The following RBM33 variants were observed in gnomAD, a reference collection of about 807,000 sequenced individuals.
The protein encoded by RBM33 is RNA binding motif protein 33.
RBM33 carries 28 observed loss-of-function variants against 132.6 expected under a neutral mutation model. The ratio of observed to expected loss-of-function variants is 0.21; its 90% CI spans 0.16 to 0.29. The LOEUF is 0.29. Ranked by LOEUF, RBM33 falls within the 10% of genes least tolerant of loss-of-function variation. The probability of loss-of-function intolerance (pLI) is 1.00; values close to 1 mark genes in which losing one functional copy is unlikely to be tolerated. For missense variants in RBM33, 1,291 were observed against 1,518.5 expected, an observed-to-expected ratio of 0.85 and a Z score of 2.49; for synonymous variants, 634 against 593.0, an observed-to-expected ratio of 1.07 and a Z score of -1.01.
At chr7:155,699,725 T>C (rs1270130072) in intron 5 of RBM33, among the ~76,000 whole-genome samples, 1 of 152,176 alleles carries the variant, frequency 6.6e-6, no homozygotes, top group Non-Finnish European at 1.5e-5. Flanking sequence ...GAGTGTGCAT[T>C]TGTAGTTGGT....
intron 1 of RBM33, among the ~76,000 whole-genome samples, chr7:155,655,806 A>C (rs547858414): frequency 8.5e-5 from 13 of 152,122 alleles, no homozygotes; most frequent in Non-Finnish European, 1.5e-4. Flanking sequence ...CTGTGTTCTC[A>C]GCTACTTGGA....
At chr7:155,727,360 G>C (rs1248338454) in intron 9 of RBM33, among the ~76,000 whole-genome samples, 1 of 152,130 alleles carries the variant, frequency 6.6e-6, no homozygotes, top group Admixed American at 6.5e-5. Context: ...TTTTTAGCTG[G>C]GCGGTGTTGT....
At chr7:155,733,289 A>G (rs1358585089) in intron 9 of RBM33, among the ~76,000 whole-genome samples, 1 of 152,090 alleles carries the variant, frequency 6.6e-6, no homozygotes, top group African/African-American at 2.4e-5. Context: ...AAATTTAGTA[A>G]TTTTGATAAG....
chr7:155,738,423 CCTCCAGGG>C lies in RBM33; in HGVS notation c.1737+21_1737+28del. The C allele has an allele frequency of 6.3e-7, 1 of 1,582,186 alleles. No individual in the cohort carries two copies. The highest frequency in any genetic ancestry group is 8.6e-7 in the Non-Finnish European group (1 of 1,161,310). On this transcript the variant is annotated intron_variant, in intron 11 of 17. Transcript: ENST00000401878. The stretch of plus-strand genomic sequence containing the variant: ...CTGCAGGTAATGCATCCTGAGTGAA[CCTCCAGGG>C]AAAAAATGTGTAGCTTCAAGGCTTT...
At chr7:155,712,426 T>A (rs1276869506) in intron 8 of RBM33, among the ~76,000 whole-genome samples, 1 of 152,264 alleles carries the variant, frequency 6.6e-6, no homozygotes, top group African/African-American at 2.4e-5. Flanking sequence ...CAAAGCTTTC[T>A]TCAACCATGA....
At chr7:155,660,430 A>G (rs140846143) in intron 1 of RBM33, among the ~76,000 whole-genome samples, 2 of 152,306 alleles carry the variant, frequency 1.3e-5, no homozygotes, top group East Asian at 1.9e-4. Flanking sequence ...TTCAGCATAT[A>G]TTTTTTGGGG....
chr7:155,738,494 T>C, intron 11 of RBM33, 91 bp downstream of exon 11: 1 of 1,234,628 alleles, frequency 8.1e-7, no homozygotes, highest in East Asian at 2.5e-5. Context: ...TTGAGCCTAC[T>C]AATTTGTGGT....
At chr7:155,706,781 C>T (rs1158254589) in intron 6 of RBM33, 79 bp from the exon 7 acceptor site, 13 of 1,179,450 alleles carry the variant, frequency 1.1e-5, no homozygotes, top group Non-Finnish European at 1.6e-5. Context: ...ATTGTCACAT[C>T]ATTCTTTCCT....
chr7:155,743,961 A>G (rs1415924938), intron 13 of RBM33, among the ~76,000 whole-genome samples: 4 of 152,132 alleles, frequency 2.6e-5, no homozygotes, highest in Admixed American at 2.6e-4. Context: ...TCATTTTTGC[A>G]GTTTGAAATC....
chr7:155,742,039 C>G lies in RBM33; in HGVS notation c.2270C>G (p.Thr757Arg). 6.2e-7 allele frequency: 1 copy of G among 1,613,954 alleles called. No individual in the cohort carries two copies. Among genetic ancestry groups the G allele is most frequent in the Non-Finnish European group, 8.5e-7 (1 of 1,179,892 alleles). Residue 757 changes from threonine to arginine, a missense_variant, in exon 13 of 18, where the codon ACG (threonine) becomes AGG (arginine). Physicochemically the swap from Thr to Arg is moderately conservative, Grantham distance 71 (BLOSUM62 -1). Coordinates refer to ENST00000401878, the MANE Select transcript of RBM33 (RefSeq NM_053043.3). ...VAGSRSSQGK[T>R]EVKVKPASPV... is the part of the protein sequence containing the mutation. ...GGTTCCAGAAGCTCACAGGGAAAGACGGAAGTGAAAGTCAAGCCAGCTAGC... is the reference window on the plus strand; with the variant it reads ...GGTTCCAGAAGCTCACAGGGAAAGAGGGAAGTGAAAGTCAAGCCAGCTAGC...
intron 9 of RBM33, among the ~76,000 whole-genome samples, chr7:155,732,227 C>T (rs1157254708): frequency 6.6e-6 from 1 of 152,190 alleles, no homozygotes; most frequent in Non-Finnish European, 1.5e-5. Context: ...ATACATTAAG[C>T]TTTGCTTTAC....
At chr7:155,767,675 G>A (rs1456199527) in intron 16 of RBM33, among the ~76,000 whole-genome samples, 4 of 152,168 alleles carry the variant, frequency 2.6e-5, no homozygotes, top group Admixed American at 2.0e-4. Context: ...GGGGAGATAG[G>A]TTTCATTTTT....
Position 155,673,582 on chromosome 7 carries a change from GTATA to G in RBM33, c.171+676_171+679del, listed in dbSNP as rs766279371. Among the ~76,000 whole-genome samples, 38 of 70,600 alleles carry G rather than the reference GTATA, an allele frequency of 5.4e-4. 2 individuals are homozygous for G. The highest frequency in any genetic ancestry group is 2.8e-3 in the African/African-American group (31 of 11,256). The allele number at this position is 70,600 out of a possible 152,430, so 46.3% of individuals were successfully genotyped here. A position where few individuals can be genotyped will look rare whatever the true frequency, so the allele number is the denominator to read the frequency against. On this transcript the variant is annotated intron_variant, in intron 3 of 17. Transcript: ENST00000401878. ...TATACACACATATACATACACACGT[GTATA>G]TATATATACACACATATACATACAC... is the stretch of plus-strand genomic sequence containing the variant.
Position 155,774,057 on chromosome 7 carries a change from G to T in RBM33, c.3376-502G>T, listed in dbSNP as rs985829719. 2.0e-5 allele frequency among the ~76,000 whole-genome samples: 3 copies of T among 152,228 alleles called. No individual in the cohort carries two copies. Among genetic ancestry groups the T allele is most frequent in the African/African-American group, 7.2e-5 (3 of 41,456 alleles). On this transcript the variant is annotated intron_variant, in intron 16 of 17. Coordinates refer to ENST00000401878, the MANE Select transcript of RBM33 (RefSeq NM_053043.3). This position sits in a 1 kb window ranked among gnomAD's most constrained non-coding sequence, Gnocchi z 4.2. ...GCTGATGTCTGCCCCAGGCACCACT[G>T]CCCTCACCATGGCCCAGCCAGATGC...
chr7:155,673,944 T>G (rs1385216041), intron 3 of RBM33, among the ~76,000 whole-genome samples: 6,379 of 86,302 alleles, frequency 0.074, 1,671 homozygotes, highest in Non-Finnish European at 0.098. Context: ...GGCTTAGTTT[T>G]TTTTTTTTTT....
chr7:155,689,165 A>G (rs2116937142), intron 5 of RBM33, among the ~76,000 whole-genome samples: 1 of 152,318 alleles, frequency 6.6e-6, no homozygotes, highest in African/African-American at 2.4e-5. Context: ...TTATTGGTCT[A>G]TTCAGGGATT....
chr7:155,672,955 TTTAA>T, intron 3 of RBM33, 40 bp downstream of exon 3: 1 of 1,371,234 alleles, frequency 7.3e-7, no homozygotes, highest in Non-Finnish European at 1.0e-6. Flanking sequence ...ATACTAGTCA[TTTAA>T]TTATACTTAA....
intron 3 of RBM33, among the ~76,000 whole-genome samples, chr7:155,673,947 T>TGTTTG (rs1563138357): frequency 1.0e-5 from 1 of 97,772 alleles, no homozygotes; most frequent in African/African-American, 3.9e-5. Flanking sequence ...TTAGTTTTTT[T>TGTTTG]TTTTTTTTTT....
intron 14 of RBM33, among the ~76,000 whole-genome samples, chr7:155,760,551 G>A (rs1389881997): frequency 3.3e-5 from 5 of 152,204 alleles, no homozygotes; most frequent in Non-Finnish European, 2.9e-5. Context: ...AGCTGAACAC[G>A]TGCATAGTGA....
Sources: gnomAD v4.1 joint callset for allele counts (sites outside exome capture counted in the v4.1 genomes callset) on GRCh38, gnomAD v4.1.1 for gene constraint, Gnocchi (gnomAD v3.1) non-coding constraint, MANE v1.5 for transcripts, NCBI Gene and HGNC (gene_info 2026-07-23, HGNC 2026-07-21) for gene names.